The following SRGAP2B variants were observed in gnomAD, a reference collection of about 807,000 sequenced individuals.
SRGAP2B encodes the protein SLIT-ROBO Rho GTPase-activating protein 2B.
A neutral mutation model predicts 22.2 loss-of-function variants in SRGAP2B; 9 were observed. The ratio of observed to expected loss-of-function variants is 0.41; its 90% CI spans 0.24 to 0.71. The LOEUF (loss-of-function observed/expected upper bound fraction) is 0.71. Ranked by LOEUF, SRGAP2B falls within the 30% of genes least tolerant of loss-of-function variation. The pLI is 0.35. For missense variants in SRGAP2B, 114 were observed against 235.8 expected (o/e 0.48, Z 3.38); for synonymous variants, 36 against 87.4 (o/e 0.41, Z 3.28).
intron 2 of SRGAP2B, among the ~76,000 whole-genome samples, chr1:145,022,990 C>T (rs1473385357): frequency 6.7e-6 from 1 of 149,610 alleles, no homozygotes; most frequent in South Asian, 2.1e-4. Flanking sequence ...TGTGGTGAAG[C>T]CCCGTCTCTA....
At chr1:145,025,898 T>C (rs1469621734) in intron 2 of SRGAP2B, among the ~76,000 whole-genome samples, 1 of 151,490 alleles carries the variant, frequency 6.6e-6, no homozygotes, top group Non-Finnish European at 1.5e-5. Flanking sequence ...AGCACTATCC[T>C]GAACGCTTTA....
At chr1:144,958,276 G>T (rs1420297197) in intron 3 of SRGAP2B, among the ~76,000 whole-genome samples, 1 of 151,046 alleles carries the variant, frequency 6.6e-6, no homozygotes, top group Non-Finnish European at 1.5e-5. Context: ...CAAAAGAAAA[G>T]ATGACTGAAC....
Position 144,887,786 on chromosome 1 carries a change from TC to T in SRGAP2B, c.*4373del, listed in dbSNP as rs1446126163. On this transcript the variant is annotated 3_prime_UTR_variant, in exon 10 of 10. Transcript: ENST00000612199. ...GTAAACTTTTTAACAACATAATTTA[TC>T]CTTCTAGAATATGAATGTTGGTCTA... is the stretch of plus-strand genomic sequence containing the variant. 4.2e-5 allele frequency: 2 copies of T among 47,752 alleles called. 1 individual carries two copies. Among genetic ancestry groups the T allele is most frequent in the Non-Finnish European group, 7.8e-5 (2 of 25,502 alleles). 3.0% of individuals were successfully genotyped at this position (47,752 alleles called of 1,614,324 possible).
At chr1:145,075,733 C>CACA (rs1652432573) in intron 2 of SRGAP2B, among the ~76,000 whole-genome samples, 1 of 143,568 alleles carries the variant, frequency 7.0e-6, no homozygotes. Flanking sequence ...GGAACATCTA[C>CACA]ACATCAATTA....
intron 3 of SRGAP2B, among the ~76,000 whole-genome samples, chr1:144,990,788 C>A (rs587646381): frequency 6.6e-6 from 1 of 151,444 alleles, no homozygotes; most frequent in South Asian, 2.1e-4. Flanking sequence ...GGACTTAGCA[C>A]CCGGGCCAGT....
chr1:144,963,202 T>C (rs1570865128), intron 3 of SRGAP2B, among the ~76,000 whole-genome samples: 1 of 150,442 alleles, frequency 6.6e-6, no homozygotes, highest in Admixed American at 6.6e-5. Flanking sequence ...ACCCTCTTGG[T>C]ACAATCTACA....
At chr1:144,985,469 C>G (rs1451569935) in intron 3 of SRGAP2B, among the ~76,000 whole-genome samples, 2 of 150,758 alleles carry the variant, frequency 1.3e-5, no homozygotes, top group African/African-American at 4.9e-5. Flanking sequence ...ACCAAGTGAG[C>G]TATGACTGAA....
chr1:144,925,756 AAAG>A (rs1664661793), intron 4 of SRGAP2B, among the ~76,000 whole-genome samples: 1 of 142,716 alleles, frequency 7.0e-6, no homozygotes, highest in Admixed American at 6.9e-5. Flanking sequence ...AGAAAGAAAG[AAAG>A]AAAGAAAGAA....
intron 4 of SRGAP2B, among the ~76,000 whole-genome samples, chr1:144,941,111 G>GA (rs1188914128): frequency 3.5e-5 from 5 of 144,078 alleles, no homozygotes; most frequent in Non-Finnish European, 1.5e-5. Flanking sequence ...ACAATATCTT[G>GA]AAAAAAACAC....
At chr1:145,081,722 G>A (rs1483000923) in intron 2 of SRGAP2B, among the ~76,000 whole-genome samples, 1 of 147,264 alleles carries the variant, frequency 6.8e-6, no homozygotes, top group Non-Finnish European at 1.5e-5. Context: ...GATTTCTAAG[G>A]GATTTCAATG....
chr1:145,068,893 A>ATGTATG (rs1301267926), intron 2 of SRGAP2B, among the ~76,000 whole-genome samples: 30 of 109,258 alleles, frequency 2.7e-4, no homozygotes, highest in Middle Eastern at 4.3e-3. Flanking sequence ...ATAAGGTAAA[A>ATGTATG]TGTGTGTGTG....
chr1:144,909,574 G>A (rs1200595980), intron 5 of SRGAP2B, among the ~76,000 whole-genome samples: 7 of 146,268 alleles, frequency 4.8e-5, no homozygotes, highest in Non-Finnish European at 7.5e-5. Flanking sequence ...GCAACAGAGC[G>A]AGACTCCATC....
intron 3 of SRGAP2B, among the ~76,000 whole-genome samples, chr1:144,956,686 G>T (rs1273734956): frequency 6.7e-6 from 1 of 149,920 alleles, no homozygotes; most frequent in African/African-American, 2.5e-5. Context: ...GACCTCAAGT[G>T]ATCCACCCAC....
At chr1:145,072,981 A>T (rs1321649486) in intron 2 of SRGAP2B, among the ~76,000 whole-genome samples, 1 of 146,932 alleles carries the variant, frequency 6.8e-6, no homozygotes, top group Non-Finnish European at 1.5e-5. Context: ...CTTTTCTTTC[A>T]TTCCCAGCTG....
rs1345136091 is a variant in SRGAP2B at position 145,020,859 on chromosome 1, G to A, written c.68-25659C>T. On this transcript the variant is annotated intron_variant, in intron 2 of 9. Coordinates refer to ENST00000612199, the Ensembl canonical transcript of SRGAP2B. ...CTGTCACCCAGGCTGGAGTGCAGTGGCATGATCTTGGCTCACTGCAAACCC... is the reference window on the plus strand; with the variant it reads ...CTGTCACCCAGGCTGGAGTGCAGTGACATGATCTTGGCTCACTGCAAACCC... Among the ~76,000 whole-genome samples the A allele has an allele frequency of 2.0e-5, 3 of 150,284 alleles. No individual in the cohort carries two copies. In the East Asian group the frequency reaches 5.8e-4, roughly 29 times the overall value.
chr1:145,058,617 C>CTT (rs1158243067), intron 2 of SRGAP2B, among the ~76,000 whole-genome samples: 23 of 48,304 alleles, frequency 4.8e-4, no homozygotes, highest in African/African-American at 1.0e-3. Flanking sequence ...CAGTCAATGT[C>CTT]TTTTTTTTTT....
intron 3 of SRGAP2B, among the ~76,000 whole-genome samples, chr1:144,979,762 C>T (rs1343674871): frequency 1.3e-5 from 2 of 151,510 alleles, no homozygotes; most frequent in African/African-American, 2.5e-5. Context: ...CACCATGTGA[C>T]ATGCTGGCTC....
At chr1:144,922,515 G>A (rs1664327457) in intron 4 of SRGAP2B, among the ~76,000 whole-genome samples, 3 of 147,442 alleles carry the variant, frequency 2.0e-5, no homozygotes. Context: ...CAGCTTTCCT[G>A]AGGAAAGAAA....
intron 2 of SRGAP2B, among the ~76,000 whole-genome samples, chr1:145,021,077 G>A (rs1165555726): frequency 2.0e-5 from 3 of 150,470 alleles, no homozygotes; most frequent in Non-Finnish European, 4.4e-5. Context: ...CCAAAGTGCT[G>A]GGATTACAGG....
Sources: gnomAD v4.1 joint callset for allele counts (sites outside exome capture counted in the v4.1 genomes callset) on GRCh38, gnomAD v4.1.1 for gene constraint, MANE v1.5 for transcripts, NCBI Gene and HGNC (gene_info 2026-07-23, HGNC 2026-07-21) for gene names.